The following CCPG1 variants were observed in gnomAD, a reference collection of about 807,000 sequenced individuals.
CCPG1 encodes the protein cell cycle progression protein 1.
In CCPG1, 46 loss-of-function variants were observed where a neutral mutation model predicts 81.3. That is an observed-to-expected ratio of 0.57 (90% CI 0.45 to 0.72). The LOEUF (loss-of-function observed/expected upper bound fraction) is 0.72, where lower values mean the gene tolerates loss of function less well. CCPG1 is among the 30% of genes least tolerant of loss of function. The pLI, the probability that CCPG1 is intolerant of heterozygous loss-of-function variation, is 0.00. For missense variants in CCPG1, 902 were observed against 937.6 expected (o/e 0.96, Z 0.50); for synonymous variants, 330 against 305.2 (o/e 1.08, Z -0.85).
intron 8 of CCPG1, chr15:55,358,213 G>T: frequency 7.4e-6 from 2 of 269,800 alleles, no homozygotes; most frequent in Non-Finnish European, 1.1e-5. Flanking sequence ...GCTGAGATTG[G>T]TAAGATCTAT....
intron 1 of CCPG1, among the ~76,000 whole-genome samples, chr15:55,390,536 T>C (rs1311518621): frequency 6.6e-6 from 1 of 152,246 alleles, no homozygotes; most frequent in African/African-American, 2.4e-5. Context: ...AGAACTCTAC[T>C]GAAGACAATA....
At chr15:55,379,398 T>C (rs552411880) in intron 3 of CCPG1, among the ~76,000 whole-genome samples, 1 of 152,162 alleles carries the variant, frequency 6.6e-6, no homozygotes, top group East Asian at 1.9e-4. Context: ...CATGGTGGTA[T>C]GTGCCTATAG....
At chr15:55,365,393 C>A in intron 6 of CCPG1, 84 bp from the exon 7 acceptor site, 1 of 793,100 alleles carries the variant, frequency 1.3e-6, no homozygotes, top group Non-Finnish European at 2.0e-6. Flanking sequence ...TGGTAATCTG[C>A]ATATAAGCTA....
rs1595814712 is a variant in CCPG1, at chr15:55,356,296, T to C, written c.2348A>G (p.Tyr783Cys). ...CATTTGTCTTCCATTAGTGCGACCATATTTATGCCATTTACCTTCCCTTTT... is the reference window on the plus strand; with the variant it reads ...CATTTGTCTTCCATTAGTGCGACCACATTTATGCCATTTACCTTCCCTTTT... ...PYKREGKWHKYGRTNGRQMAN... is the reference protein window; with the variant it reads ...PYKREGKWHKCGRTNGRQMAN... Residue 783 changes from tyrosine to cysteine, a missense_variant, in exon 9 of 9, where the codon TAT (tyrosine) becomes TGT (cysteine). Coordinates refer to ENST00000442196, the MANE Select transcript of CCPG1 (RefSeq NM_001204450.2). 12 of 1,535,402 alleles carry C rather than the reference T, an allele frequency of 7.8e-6. No individual in the cohort carries two copies. Among genetic ancestry groups the C allele is most frequent in the Admixed American group, 2.0e-5 (1 of 50,910 alleles).
intron 7 of CCPG1, among the ~76,000 whole-genome samples, chr15:55,364,385 C>T (rs1454144519): frequency 6.6e-6 from 1 of 150,794 alleles, no homozygotes; most frequent in African/African-American, 2.4e-5. Context: ...AACCAAAACT[C>T]TCCTCTTTCC....
intron 2 of CCPG1, among the ~76,000 whole-genome samples, chr15:55,385,934 C>T (rs921787060): frequency 2.6e-4 from 39 of 152,274 alleles, no homozygotes; most frequent in African/African-American, 8.7e-4. Flanking sequence ...TAAGTCAGGT[C>T]AGCCCAAAAG....
rs576264607 is a variant in CCPG1 at position 55,371,815 on chromosome 15, G to C, written c.684C>G (p.Ser228Arg). The C allele has an allele frequency of 1.4e-5, 23 of 1,613,904 alleles. No individual in the cohort carries two copies. Among genetic ancestry groups the C allele is most frequent in the Non-Finnish European group, 1.9e-5 (23 of 1,179,834 alleles). ...TACCATAGAAATGGCCAAATCCCATGCTGATTGCAATCACCAAAGCAAGTA... is the reference window on the plus strand; with the variant it reads ...TACCATAGAAATGGCCAAATCCCATCCTGATTGCAATCACCAAAGCAAGTA... Reference protein sequence around the residue: ...CVILALVIAISMGFGHFYGTI... With the variant: ...CVILALVIAIRMGFGHFYGTI... Residue 228 changes from serine to arginine, a missense_variant, in exon 6 of 9, where the codon AGC becomes AGG. Ser to Arg is a moderately radical substitution (Grantham distance 110). Around this residue, in one of 3 missense-constraint regions of CCPG1, gnomAD observed 746 missense variants for 728.6 expected, o/e 1.02. Transcript: ENST00000442196.
chr15:55,406,453 T>G (rs1482804868), intron 1 of CCPG1, among the ~76,000 whole-genome samples: 2 of 148,504 alleles, frequency 1.3e-5, no homozygotes, highest in African/African-American at 4.9e-5. Context: ...TTTTTTTGTT[T>G]TTTTTTTTTT....
intron 1 of CCPG1, among the ~76,000 whole-genome samples, chr15:55,400,342 G>T (rs1395506666): frequency 6.6e-6 from 1 of 150,672 alleles, no homozygotes; most frequent in Non-Finnish European, 1.5e-5. Context: ...AACCCCACCT[G>T]TACTAAAATA....
chr15:55,358,768 G>A, intron 8 of CCPG1: 1 of 984,984 alleles, frequency 1.0e-6, no homozygotes, highest in Non-Finnish European at 1.2e-6. Flanking sequence ...GTCTCCTCAA[G>A]GCAGCTTCAC....
rs370624598 is a variant in CCPG1 at position 55,359,579 on chromosome 15, G to A, written c.2194C>T (p.His732Tyr). 2.5e-6 allele frequency: 4 copies of A among 1,612,474 alleles called. No individual in the cohort carries two copies. The highest frequency in any genetic ancestry group is 3.3e-5 in the Admixed American group (2 of 59,840). ...GGGGAAAAAGTGTGACCAAAGAAGT[G>A]TCTATATATATATTCATCCAACTTC... ...FEKLDEYIYRHFFGHTFSPPY... is the reference protein window; with the variant it reads ...FEKLDEYIYRYFFGHTFSPPY... The change falls in exon 8 of 9, where the codon CAC becomes TAC. Residue 732 changes from histidine (H) to tyrosine (Y), a missense_variant. By Grantham distance (83) the His-to-Tyr change is moderately conservative. Around this residue, in one of 3 missense-constraint regions of CCPG1, gnomAD observed 128 missense variants for 161.2 expected, o/e 0.79. Coordinates refer to ENST00000442196, the MANE Select transcript of CCPG1 (RefSeq NM_001204450.2).
chr15:55,379,187 T>A (rs960255325), intron 3 of CCPG1, among the ~76,000 whole-genome samples: 1 of 148,624 alleles, frequency 6.7e-6, no homozygotes, highest in African/African-American at 2.5e-5. Flanking sequence ...TGTGTGTGTG[T>A]GTGTGTCTAA....
intron 2 of CCPG1, 103 bp downstream of exon 2, chr15:55,389,262 T>A: frequency 1.2e-6 from 1 of 801,870 alleles, no homozygotes; most frequent in South Asian, 1.6e-5. Context: ...ATTGGAACTT[T>A]TTGCTTAAAG....
chr15:55,356,645 A>G (rs1200159820), intron 8 of CCPG1: 1 of 1,210,052 alleles, frequency 8.3e-7, no homozygotes, highest in Admixed American at 4.2e-5. Flanking sequence ...GAAACACTCA[A>G]AAGATAACAA....
chr15:55,370,857 CAG>C (rs112948264), intron 6 of CCPG1, among the ~76,000 whole-genome samples: 24,470 of 129,144 alleles, frequency 0.19, 3,653 homozygotes, highest in African/African-American at 0.44. Flanking sequence ...GCCTGGGCGA[CAG>C]AGTGAGACTC....
chr15:55,395,592 C>T (rs1374892657), intron 1 of CCPG1, among the ~76,000 whole-genome samples: 1 of 152,030 alleles, frequency 6.6e-6, no homozygotes, highest in Non-Finnish European at 1.5e-5. Flanking sequence ...TGATCAGTTG[C>T]CCATCCCCTT....
chr15:55,378,494 T>C (rs1260245680), intron 3 of CCPG1, 118 bp from the exon 4 acceptor site: 19 of 554,408 alleles, frequency 3.4e-5, no homozygotes, highest in African/African-American at 7.7e-5. Flanking sequence ...TTAGGATAGA[T>C]TTAATGAAAT....
chr15:55,364,538 A>G (rs953896226), intron 7 of CCPG1, among the ~76,000 whole-genome samples: 1 of 150,968 alleles, frequency 6.6e-6, no homozygotes, highest in Non-Finnish European at 1.5e-5. Context: ...TCAAATCCTT[A>G]GAATCAATTA....
At chr15:55,365,433 T>TTTTTTTTTTTG in intron 6 of CCPG1, 124 bp from the exon 7 acceptor site, 2 of 548,014 alleles carry the variant, frequency 3.6e-6, no homozygotes, top group Non-Finnish European at 6.1e-6. Context: ...TTTTTTTTTG[T>TTTTTTTTTTTG]TTTTTTTTTG....
Sources: gnomAD v4.1 joint callset for allele counts (sites outside exome capture counted in the v4.1 genomes callset) on GRCh38, gnomAD v4.1.1 for gene constraint, gnomAD v4.1.1 regional missense constraint, MANE v1.5 for transcripts, NCBI Gene and HGNC (gene_info 2026-07-23, HGNC 2026-07-21) for gene names.